MAP4: variants seen among roughly 807,000 people sequenced by gnomAD.
MAP4 encodes microtubule associated protein 4.
MAP4 carries 76 observed loss-of-function variants against 170.2 expected under a neutral mutation model. The ratio of observed to expected loss-of-function variants is 0.45; its 90% CI spans 0.37 to 0.54. The LOEUF (loss-of-function observed/expected upper bound fraction) is 0.54. MAP4 is among the 20% of genes least tolerant of loss of function. The probability of loss-of-function intolerance (pLI) is 0.00; values close to 1 mark genes in which losing one functional copy is unlikely to be tolerated. For synonymous variants in MAP4, 909 were observed against 994.5 expected, an observed-to-expected ratio of 0.91 and a Z score of 1.62; for missense variants, 2,506 against 2,748.0, an observed-to-expected ratio of 0.91 and a Z score of 1.97.
intron 10 of MAP4, among the ~76,000 whole-genome samples, chr3:47,884,354 T>C (rs1334093786): frequency 6.6e-6 from 1 of 152,224 alleles, no homozygotes; most frequent in Admixed American, 6.5e-5. Flanking sequence ...GTAACTTCTA[T>C]TTCTTTACTG....
Position 47,854,489 on chromosome 3 carries a change from G to A in MAP4, c.6696+759C>T, listed in dbSNP as rs554990498. ...GCGGCTCCTGGCCCCTCTCCCCTGC[G>A]CACCTGAACCCGAGCAGCAGCAGCC... On this transcript the variant is annotated intron_variant, in intron 19 of 20. Coordinates refer to ENST00000683076, the MANE Select transcript of MAP4 (RefSeq NM_001385682.1). 5.3e-5 allele frequency among the ~76,000 whole-genome samples: 8 copies of A among 152,312 alleles called. No individual in the cohort carries two copies. The East Asian group carries it at 9.7e-4, about 18-fold the overall frequency.
rs538567546 is a variant in MAP4, at chr3:47,975,093, TAA to T, written c.292+2770_292+2771del. ...TGAAAACCAAAGGAAAAAGGTCAAC[TAA>T]AAATATTTAAAGGAAAAAAATGTGA... On this transcript the variant is annotated intron_variant, in intron 3 of 20. Coordinates refer to ENST00000683076, the MANE Select transcript of MAP4 (RefSeq NM_001385682.1). 2.7e-5 allele frequency: 29 copies of T among 1,056,202 alleles called. No individual in the cohort carries two copies. In the South Asian group the frequency reaches 6.4e-4, roughly 23 times the overall value. The allele number at this position is 1,056,202 out of a possible 1,614,324, so 65.4% of individuals were successfully genotyped here.
chr3:48,029,843 A>T (rs1404460266), intron 1 of MAP4, among the ~76,000 whole-genome samples: 1 of 151,636 alleles, frequency 6.6e-6, no homozygotes, highest in Non-Finnish European at 1.5e-5. Context: ...ATTAAAATAC[A>T]AAAAATTAGC....
At chr3:47,856,674 G>A (rs1042478203) in intron 18 of MAP4, among the ~76,000 whole-genome samples, 3 of 152,206 alleles carry the variant, frequency 2.0e-5, no homozygotes, top group Non-Finnish European at 2.9e-5. Context: ...TGATCCGCCC[G>A]CTTTGGCCTC....
chr3:47,856,712 A>C (rs933603560), intron 18 of MAP4, among the ~76,000 whole-genome samples: 1 of 152,174 alleles, frequency 6.6e-6, no homozygotes, highest in Non-Finnish European at 1.5e-5. Context: ...CAGGCATGAG[A>C]CACCGCGCCC....
chr3:47,899,391 C>T (rs1313009191), intron 10 of MAP4, among the ~76,000 whole-genome samples: 1 of 152,212 alleles, frequency 6.6e-6, no homozygotes, highest in Non-Finnish European at 1.5e-5. Context: ...CCTCCTGCCT[C>T]AGCCTCCCAA....
At position 47,871,878 on chromosome 3, in the gene MAP4, C is replaced by A. The variant is rs778479335; in HGVS notation, c.5941+39G>T. ...GGGGCAAAGCCAAGATCCCATTTTC[C>A]CCTCCCTAGTTCCCATGGGAGAGAA... On this transcript the variant is annotated intron_variant, in intron 13 of 20. Transcript: ENST00000683076. The A allele has an allele frequency of 2.3e-5, 36 of 1,564,114 alleles. 1 individual carries two copies. In the South Asian group the frequency reaches 4.2e-4, roughly 18 times the overall value.
At chr3:47,917,257 T>G in intron 6 of MAP4, 83 bp from the exon 7 acceptor site, 1 of 1,193,208 alleles carries the variant, frequency 8.4e-7, no homozygotes, top group Non-Finnish European at 1.2e-6. Flanking sequence ...ATGAGAGTAT[T>G]TGGCTTTTGT....
At chr3:47,904,936 CT>C (rs1181384160) in intron 9 of MAP4, among the ~76,000 whole-genome samples, 2 of 152,198 alleles carry the variant, frequency 1.3e-5, no homozygotes, top group Non-Finnish European at 2.9e-5. Flanking sequence ...TCCCAAAGTG[CT>C]GGGACTACAG....
intron 1 of MAP4, among the ~76,000 whole-genome samples, chr3:48,042,854 T>C (rs1559843121): frequency 6.6e-6 from 1 of 152,214 alleles, no homozygotes; most frequent in South Asian, 2.1e-4. Flanking sequence ...TGCTACAAGA[T>C]GGGTGAACCC....
At chr3:48,041,440 T>TA (rs1246614087) in intron 1 of MAP4, among the ~76,000 whole-genome samples, 93 of 146,316 alleles carry the variant, frequency 6.4e-4, no homozygotes, top group East Asian at 7.9e-4. Context: ...TCTGAAAAAT[T>TA]AAAAAAAAAA....
intron 3 of MAP4, among the ~76,000 whole-genome samples, chr3:47,949,646 GAT>G (rs1452377362): frequency 1.3e-5 from 2 of 152,094 alleles, no homozygotes; most frequent in African/African-American, 2.4e-5. Context: ...TAAGAGGTAT[GAT>G]ATATTAGTTA....
intron 1 of MAP4, among the ~76,000 whole-genome samples, chr3:48,010,306 A>G (rs756052188): frequency 1.3e-5 from 2 of 152,174 alleles, no homozygotes; most frequent in Non-Finnish European, 2.9e-5. Context: ...AGAAATGAGG[A>G]CTGTAACTGC....
chr3:47,945,829 A>G (rs954806475), intron 3 of MAP4, among the ~76,000 whole-genome samples: 1 of 151,524 alleles, frequency 6.6e-6, no homozygotes, highest in Non-Finnish European at 1.5e-5. Context: ...AAGTGACCTC[A>G]GTCTCCCAAG....
intron 3 of MAP4, among the ~76,000 whole-genome samples, chr3:47,947,035 T>C (rs897706563): frequency 1.3e-5 from 2 of 152,200 alleles, no homozygotes; most frequent in African/African-American, 2.4e-5. Context: ...CAGGCAACTA[T>C]AGGTAACTGA....
At chr3:48,004,854 A>G (rs556960089) in intron 1 of MAP4, among the ~76,000 whole-genome samples, 139 of 151,786 alleles carry the variant, frequency 9.2e-4, no homozygotes, top group African/African-American at 3.2e-3. Context: ...CCCCGCCATC[A>G]ACCTTTCCAT....
chr3:47,962,675 G>A (rs183312692), intron 3 of MAP4, among the ~76,000 whole-genome samples: 34 of 152,258 alleles, frequency 2.2e-4, no homozygotes, highest in Non-Finnish European at 2.4e-4. Context: ...TAATAGGAAA[G>A]AGTGGAAGAA....
At chr3:47,981,248 A>C (rs1212276377) in intron 2 of MAP4, among the ~76,000 whole-genome samples, 1 of 152,200 alleles carries the variant, frequency 6.6e-6, no homozygotes, top group East Asian at 1.9e-4. Flanking sequence ...GATAACAGGT[A>C]TCTAATAGCT....
chr3:47,997,731 G>GAAAT (rs1310722118), intron 2 of MAP4, among the ~76,000 whole-genome samples: 138 of 151,856 alleles, frequency 9.1e-4, no homozygotes, highest in African/African-American at 3.2e-3. Context: ...AAGAAAGAAA[G>GAAAT]AAAGAAACAT....
Sources: gnomAD v4.1 joint callset for allele counts (sites outside exome capture counted in the v4.1 genomes callset) on GRCh38, gnomAD v4.1.1 for gene constraint, MANE v1.5 for transcripts, NCBI Gene and HGNC (gene_info 2026-07-23, HGNC 2026-07-21) for gene names.